GALNT18: variants seen among roughly 807,000 people sequenced by gnomAD.
GALNT18 encodes the protein GalNAc-transferase 18.
GALNT18 carries 44 observed loss-of-function variants against 69.5 expected under a neutral mutation model. That is an observed-to-expected ratio of 0.63 (90% confidence interval 0.50 to 0.81). The LOEUF (loss-of-function observed/expected upper bound fraction) is 0.81. Among genes scored for constraint, GALNT18 ranks in the 40% least tolerant of loss-of-function variants. The probability of loss-of-function intolerance (pLI) is 0.00; values close to 1 mark genes in which losing one functional copy is unlikely to be tolerated. For synonymous variants in GALNT18, 364 were observed against 318.2 expected, an observed-to-expected ratio of 1.14 and a Z score of -1.53; for missense variants, 715 against 810.0, an observed-to-expected ratio of 0.88 and a Z score of 1.42.
At chr11:11,333,056 G>A (rs1850047437) in intron 7 of GALNT18, among the ~76,000 whole-genome samples, 1 of 149,790 alleles carries the variant, frequency 6.7e-6, no homozygotes, top group East Asian at 2.0e-4. Context: ...TTGTCATCAA[G>A]GGCCATTGAA....
At chr11:11,512,030 C>CATATATACATATACAT in intron 1 of GALNT18, among the ~76,000 whole-genome samples, 1 of 152,302 alleles carries the variant, frequency 6.6e-6, no homozygotes, top group African/African-American at 2.4e-5. Flanking sequence ...CATATGTTTA[C>CATATATACATATACAT]ATGTATACAT....
chr11:11,593,659 T>C (rs534809792), intron 1 of GALNT18, among the ~76,000 whole-genome samples: 2 of 152,174 alleles, frequency 1.3e-5, no homozygotes, highest in Non-Finnish European at 2.9e-5. Context: ...TCCAATATGG[T>C]GGCTCATGCC....
intron 1 of GALNT18, among the ~76,000 whole-genome samples, chr11:11,553,925 G>A (rs1295922899): frequency 1.3e-5 from 2 of 152,192 alleles, no homozygotes; most frequent in Admixed American, 6.5e-5. Context: ...ATTTGCCACA[G>A]AGGACACGAG....
chr11:11,448,906 G>T lies in GALNT18; in HGVS notation c.266C>A (p.Ala89Asp). The change falls in exon 2 of 11, where the codon GCC (alanine) becomes GAC (aspartate). Residue 89 changes from alanine (A) to aspartate (D), a missense_variant. By Grantham distance (126) the Ala-to-Asp change is moderately radical. Coordinates refer to ENST00000227756, the MANE Select transcript of GALNT18 (RefSeq NM_198516.3). ...CAGAGAGGAGTCTGTGAAGGGCTCG[G>T]CCTCTGCCTCCTCAGGCTTGGCAGG... Reference protein sequence around the residue: ...EAPAKPEEAEAEPFTDSSLFA... With the variant: ...EAPAKPEEAEDEPFTDSSLFA... The T allele has an allele frequency of 6.3e-7, 1 of 1,599,180 alleles. No homozygotes were observed. Among genetic ancestry groups the T allele is most frequent in the Non-Finnish European group, 8.5e-7 (1 of 1,173,056 alleles).
chr11:11,497,359 CA>C lies in GALNT18; in HGVS notation c.236-48424del, dbSNP rs1856886155. Among the ~76,000 whole-genome samples, 5 of 150,876 alleles carry C rather than the reference CA, an allele frequency of 3.3e-5. No individual in the cohort carries two copies. The highest frequency in any genetic ancestry group is 7.4e-5 in the Non-Finnish European group (5 of 67,688). On this transcript the variant is annotated intron_variant, in intron 1 of 10. Transcript: ENST00000227756. This position sits in a 1 kb window ranked among gnomAD's most constrained non-coding sequence, Gnocchi z 4.2. ...ACACACACACACACACACACACACACACACACACACACCCCTTAGAATGGGG... is the reference window on the plus strand; with the variant it reads ...ACACACACACACACACACACACACACCACACACACACCCCTTAGAATGGGG...
At position 11,617,007 on chromosome 11, in the gene GALNT18, C is replaced by T. The variant is rs1860069485; in HGVS notation, c.235+4352G>A. Among the ~76,000 whole-genome samples, 1 of 152,174 alleles carries T rather than the reference C, an allele frequency of 6.6e-6. No individual in the cohort carries two copies. The highest frequency in any genetic ancestry group is 2.1e-4 in the South Asian group (1 of 4,834). On this transcript the variant is annotated intron_variant, in intron 1 of 10. Coordinates refer to ENST00000227756, the MANE Select transcript of GALNT18 (RefSeq NM_198516.3). This position sits in a 1 kb window ranked among gnomAD's most constrained non-coding sequence, Gnocchi z 4.7. ...AATCGTAACAATTTAGGCTACTACA[C>T]TGAGACTGCTTCATAAGCACCTTTA...
chr11:11,520,416 A>G (rs553363535), intron 1 of GALNT18, among the ~76,000 whole-genome samples: 5 of 152,290 alleles, frequency 3.3e-5, no homozygotes, highest in African/African-American at 1.2e-4. Context: ...CGTCAGCCAC[A>G]GACACAGCCC....
chr11:11,423,163 C>T (rs995432487), intron 3 of GALNT18, among the ~76,000 whole-genome samples: 1 of 152,198 alleles, frequency 6.6e-6, no homozygotes, highest in Non-Finnish European at 1.5e-5. Context: ...GATGCATTAA[C>T]ACATACATGT....
At chr11:11,456,887 T>C (rs777697119) in intron 1 of GALNT18, among the ~76,000 whole-genome samples, 3 of 152,140 alleles carry the variant, frequency 2.0e-5, no homozygotes, top group African/African-American at 7.2e-5. Flanking sequence ...ACACAGCCCA[T>C]TGATAAGAGT....
rs773904657 is a variant in GALNT18, at chr11:11,432,739, C to T, written c.477G>A (p.Val159=). The change falls in exon 3 of 11, where the codon GTG becomes GTA. Residue 159 remains valine, a synonymous_variant. Transcript: ENST00000227756. The surrounding 1 kb of genome is among the most constrained non-coding windows in gnomAD (Gnocchi z 5.8). ...AAAGCGCTTCATTGACGAAGATGAA[C>T]ACGATGCTCACCTCTGGCAGGCTGT... ...FPDSLPEVSI[V]FIFVNEALSV... The T allele has an allele frequency of 1.9e-6, 3 of 1,614,108 alleles. No homozygotes were observed. The South Asian group carries it at 3.3e-5, about 18-fold the overall frequency.
rs1184248758 is a variant in GALNT18 at position 11,542,092 on chromosome 11, A to G, written c.235+79267T>C. Among the ~76,000 whole-genome samples, 2 of 152,212 alleles carry G rather than the reference A, an allele frequency of 1.3e-5. No individual in the cohort carries two copies. The highest frequency in any genetic ancestry group is 4.8e-5 in the African/African-American group (2 of 41,444). ...GGAAACTGCCCAGTGAGGAGGCTGCAGAGGGTTCCACGCACCCCGCTCCTC... is the reference window on the plus strand; with the variant it reads ...GGAAACTGCCCAGTGAGGAGGCTGCGGAGGGTTCCACGCACCCCGCTCCTC... On this transcript the variant is annotated intron_variant, in intron 1 of 10. Coordinates refer to ENST00000227756, the MANE Select transcript of GALNT18 (RefSeq NM_198516.3). This position sits in a 1 kb window ranked among gnomAD's most constrained non-coding sequence, Gnocchi z 4.3.
At chr11:11,490,488 T>C (rs1484212907) in intron 1 of GALNT18, among the ~76,000 whole-genome samples, 1 of 152,210 alleles carries the variant, frequency 6.6e-6, no homozygotes, top group East Asian at 1.9e-4. Flanking sequence ...GTAATGTGTA[T>C]GCAGTGTCTC....
intron 8 of GALNT18, among the ~76,000 whole-genome samples, chr11:11,330,051 A>G (rs1849991263): frequency 6.6e-6 from 1 of 152,178 alleles, no homozygotes; most frequent in African/African-American, 2.4e-5. Flanking sequence ...CAGAGCTGTG[A>G]TTAATCCAAT....
chr11:11,547,642 C>A (rs1405519816), intron 1 of GALNT18, among the ~76,000 whole-genome samples: 1 of 152,172 alleles, frequency 6.6e-6, no homozygotes, highest in Non-Finnish European at 1.5e-5. Flanking sequence ...CTCAAGCAAG[C>A]CCCTGCTCGA....
chr11:11,369,479 G>A (rs951255307), intron 6 of GALNT18, among the ~76,000 whole-genome samples: 15 of 151,960 alleles, frequency 9.9e-5, no homozygotes, highest in East Asian at 3.9e-4. Flanking sequence ...CATCAGTCTC[G>A]TTGGATTAGG....
chr11:11,297,427 G>A (rs373792976), intron 9 of GALNT18, among the ~76,000 whole-genome samples: 4 of 152,236 alleles, frequency 2.6e-5, no homozygotes, highest in African/African-American at 4.8e-5. Flanking sequence ...AAAGTCGCAC[G>A]GTTGGTGAGT....
intron 9 of GALNT18, among the ~76,000 whole-genome samples, chr11:11,308,812 C>T (rs374927613): frequency 6.6e-6 from 1 of 152,232 alleles, no homozygotes; most frequent in East Asian, 1.9e-4. Flanking sequence ...AGGCTCACAG[C>T]TTCCTCTACA....
Position 11,294,225 on chromosome 11 carries a change from G to C in GALNT18, c.1513-1032C>G, listed in dbSNP as rs1178459455. 7.9e-5 allele frequency among the ~76,000 whole-genome samples: 12 copies of C among 152,224 alleles called. No homozygotes were observed. In the East Asian group the frequency reaches 2.3e-3, roughly 29 times the overall value. On this transcript the variant is annotated intron_variant, in intron 9 of 10. Transcript: ENST00000227756. Reference sequence around the variant, plus strand: ...GGTTCCCTCCCAGGGGCGTTGCACAGGACATGCTCAATTCCTCTGAGCTGT... The same window carrying C: ...GGTTCCCTCCCAGGGGCGTTGCACACGACATGCTCAATTCCTCTGAGCTGT...
chr11:11,607,020 T>C (rs537008720), intron 1 of GALNT18, among the ~76,000 whole-genome samples: 1 of 152,170 alleles, frequency 6.6e-6, no homozygotes, highest in Non-Finnish European at 1.5e-5. Flanking sequence ...AGTAGGAAGG[T>C]TTACCCTTCT....
Sources: allele counts gnomAD v4.1 joint callset (sites outside exome capture counted in the v4.1 genomes callset), GRCh38; gene constraint gnomAD v4.1.1; non-coding constraint Gnocchi (gnomAD v3.1); transcripts MANE v1.5; gene names NCBI Gene and HGNC (gene_info 2026-07-23, HGNC 2026-07-21).